The following ATXN10 variants were observed in gnomAD, a reference collection of about 807,000 sequenced individuals.
The protein encoded by ATXN10 is ataxin-10.
Under a neutral mutation model 52.9 loss-of-function variants are expected in ATXN10, and 28 were observed. The observed-to-expected ratio is 0.53, with a 90% confidence interval of 0.39 to 0.73. The LOEUF (loss-of-function observed/expected upper bound fraction) is 0.73, where lower values mean the gene tolerates loss of function less well. ATXN10 is among the 30% of genes least tolerant of loss of function. ATXN10 has a pLI of 0.00. For missense variants in ATXN10, 565 were observed against 577.0 expected (o/e 0.98, Z 0.21); for synonymous variants, 226 against 221.5 (o/e 1.02, Z -0.18).
At chr22:45,834,290 AG>A (rs1290119491) in intron 10 of ATXN10, among the ~76,000 whole-genome samples, 5 of 152,168 alleles carry the variant, frequency 3.3e-5, no homozygotes, top group Non-Finnish European at 7.3e-5. Flanking sequence ...AAAGATCACC[AG>A]GTACTTGGTA....
At chr22:45,777,914 A>G (rs1007211077) in intron 9 of ATXN10, among the ~76,000 whole-genome samples, 3 of 152,240 alleles carry the variant, frequency 2.0e-5, no homozygotes, top group African/African-American at 7.2e-5. Context: ...TAGTGGAAAG[A>G]GCTTGATTCT....
At chr22:45,811,179 T>C (rs1928267911) in intron 10 of ATXN10, among the ~76,000 whole-genome samples, 1 of 152,202 alleles carries the variant, frequency 6.6e-6, no homozygotes, top group Non-Finnish European at 1.5e-5. Context: ...TTATATGTTT[T>C]GAGGTAAGGT....
At chr22:45,808,973 A>G (rs953743894) in intron 10 of ATXN10, among the ~76,000 whole-genome samples, 5 of 152,234 alleles carry the variant, frequency 3.3e-5, no homozygotes, top group African/African-American at 1.2e-4. Flanking sequence ...ATGTGTATTC[A>G]GTAATTCTTT....
At chr22:45,808,460 G>GC in intron 10 of ATXN10, among the ~76,000 whole-genome samples, 1 of 152,318 alleles carries the variant, frequency 6.6e-6, no homozygotes, top group Admixed American at 6.5e-5. Flanking sequence ...CACATTGTAG[G>GC]CCTACAGATG....
In ATXN10 at chr22:45,729,587, T is replaced by G; in HGVS notation, c.891T>G (p.Asp297Glu). 6.2e-6 allele frequency: 10 copies of G among 1,614,096 alleles called. No individual in the cohort carries two copies. Among genetic ancestry groups the G allele is most frequent in the Non-Finnish European group, 8.5e-6 (10 of 1,180,012 alleles). ...TGGCCTCTGAGGAGCCTCCTGATGA[T>G]GAGGTAAGGGAGGCAGATTTCCCAA... ...LKLASEEPPD[D>E]EEALATIRLL... Residue 297 changes from aspartate to glutamate, a missense_variant, in exon 7 of 12, where the codon GAT (aspartate) becomes GAG (glutamate). By Grantham distance (45) the Asp-to-Glu change is conservative (BLOSUM62 2). Transcript: ENST00000252934.
intron 10 of ATXN10, among the ~76,000 whole-genome samples, chr22:45,831,530 A>G (rs745912649): frequency 6.6e-6 from 1 of 152,232 alleles, no homozygotes; most frequent in Non-Finnish European, 1.5e-5. Context: ...CTGTCTGTTT[A>G]ACAGTAATAT....
rs1929328113 is a variant in ATXN10, at chr22:45,840,967, GTT to G, written c.1238-2022_1238-2021del. Among the ~76,000 whole-genome samples, 1 of 152,166 alleles carries G rather than the reference GTT, an allele frequency of 6.6e-6. No individual in the cohort carries two copies. Among genetic ancestry groups the G allele is most frequent in the African/African-American group, 2.4e-5 (1 of 41,428 alleles). ...TTTCCTACAAAAGGTGAGAAAATGA[GTT>G]TGTGTATCGACAGTGACATCCTGGG... is the stretch of plus-strand genomic sequence containing the variant. On this transcript the variant is annotated intron_variant, in intron 10 of 11. Transcript: ENST00000252934. This position sits in a 1 kb window ranked among gnomAD's most constrained non-coding sequence, Gnocchi z 5.8.
chr22:45,842,968 A>C lies in ATXN10; in HGVS notation c.1238-23A>C. The C allele has an allele frequency of 1.2e-6, 2 of 1,612,884 alleles. No individual in the cohort carries two copies. Among genetic ancestry groups the C allele is most frequent in the Non-Finnish European group, 1.7e-6 (2 of 1,178,878 alleles). On this transcript the variant is annotated intron_variant, in intron 10 of 11. Transcript: ENST00000252934. This position sits in a 1 kb window ranked among gnomAD's most constrained non-coding sequence, Gnocchi z 4.8. ...TTATCAAACAGGAAAGTACGTTGTCACATTCCTTCACTCTGGCTCCAGTTC... is the reference window on the plus strand; with the variant it reads ...TTATCAAACAGGAAAGTACGTTGTCCCATTCCTTCACTCTGGCTCCAGTTC...
chr22:45,757,609 GA>G lies in ATXN10; in HGVS notation c.1173+17082del, dbSNP rs368717897. 0.096 allele frequency among the ~76,000 whole-genome samples: 13,841 copies of G among 144,168 alleles called. 792 individuals carry two copies. Among genetic ancestry groups the G allele is most frequent in the Middle Eastern group, 0.16 (46 of 282 alleles). 94.6% of individuals were successfully genotyped at this position (144,168 alleles called of 152,430 possible). A position where few individuals can be genotyped will look rare whatever the true frequency, so the allele number is the denominator to read the frequency against. On this transcript the variant is annotated intron_variant, in intron 9 of 11. Transcript: ENST00000252934. This position sits in a 1 kb window ranked among gnomAD's most constrained non-coding sequence, Gnocchi z 4.6. The stretch of plus-strand genomic sequence containing the variant: ...TGAAAAATCATTTCTAGCCATTTTA[GA>G]AAAAAAAAAACATTAGTACAGTATT...
chr22:45,800,240 T>TA (rs61161565), intron 9 of ATXN10, among the ~76,000 whole-genome samples: 2,571 of 152,306 alleles, frequency 0.017, 85 homozygotes, highest in African/African-American at 0.059. Flanking sequence ...ACACAGGACT[T>TA]ACTCATATGC....
intron 10 of ATXN10, among the ~76,000 whole-genome samples, chr22:45,839,620 T>G (rs1253617950): frequency 2.6e-5 from 4 of 152,154 alleles, no homozygotes; most frequent in Non-Finnish European, 5.9e-5. Context: ...GAAGGGTGAG[T>G]TGCTATTAAA....
At chr22:45,709,243 C>G (rs1378141831) in intron 5 of ATXN10, among the ~76,000 whole-genome samples, 1 of 152,198 alleles carries the variant, frequency 6.6e-6, no homozygotes, top group Non-Finnish European at 1.5e-5. Flanking sequence ...GTCCATTAGA[C>G]TGTGAGCTCC....
At chr22:45,827,160 C>G (rs1336034135) in intron 10 of ATXN10, among the ~76,000 whole-genome samples, 1 of 141,140 alleles carries the variant, frequency 7.1e-6, no homozygotes, top group Non-Finnish European at 1.5e-5. Context: ...CACACACACA[C>G]ACACACACAC....
At chr22:45,702,036 A>C (rs888353568) in intron 4 of ATXN10, among the ~76,000 whole-genome samples, 1 of 152,188 alleles carries the variant, frequency 6.6e-6, no homozygotes, top group African/African-American at 2.4e-5. Flanking sequence ...CAGTTTTGTC[A>C]GGTGCTGGCT....
chr22:45,710,261 C>T lies in ATXN10; in HGVS notation c.647+7414C>T, dbSNP rs150665716. ...TGCTCCTTAGTTCCATCTGGTCTTA[C>T]TGTTTTTCTTTGAATACTCCAAGTT... On this transcript the variant is annotated intron_variant, in intron 5 of 11. Coordinates refer to ENST00000252934, the MANE Select transcript of ATXN10 (RefSeq NM_013236.4). Among the ~76,000 whole-genome samples, 34 of 152,330 alleles carry T rather than the reference C, an allele frequency of 2.2e-4. No individual in the cohort carries two copies. The East Asian group carries it at 6.6e-3, about 29-fold the overall frequency.
intron 1 of ATXN10, 88 bp downstream of exon 1, chr22:45,672,267 C>G: frequency 8.1e-7 from 1 of 1,234,500 alleles, no homozygotes; most frequent in African/African-American, 1.6e-5. Context: ...AGGCGCCGCC[C>G]CCGCCTCGCT....
intron 5 of ATXN10, among the ~76,000 whole-genome samples, chr22:45,713,500 T>C (rs1227310239): frequency 6.6e-6 from 1 of 152,202 alleles, no homozygotes; most frequent in African/African-American, 2.4e-5. Flanking sequence ...AGTTCTCCTA[T>C]ATGACCGTTC....
chr22:45,807,164 TCA>T, intron 10 of ATXN10, 142 bp downstream of exon 10: 1 of 756,494 alleles, frequency 1.3e-6, no homozygotes, highest in Non-Finnish European at 2.4e-6. Flanking sequence ...AATCATTTTC[TCA>T]GAGTTATGGT....
At chr22:45,675,863 T>C (rs1412692678) in intron 1 of ATXN10, 1 of 152,240 alleles carries the variant, frequency 6.6e-6, no homozygotes, top group Non-Finnish European at 1.5e-5. Flanking sequence ...ACTAAAATAA[T>C]TTAAACATAT....
Sources: gnomAD v4.1 joint callset for allele counts (sites outside exome capture counted in the v4.1 genomes callset) on GRCh38, gnomAD v4.1.1 for gene constraint, Gnocchi (gnomAD v3.1) non-coding constraint, MANE v1.5 for transcripts, NCBI Gene and HGNC (gene_info 2026-07-23, HGNC 2026-07-21) for gene names.